CDH8: variants seen among roughly 807,000 people sequenced by gnomAD.
CDH8 encodes cadherin 8.
Under a neutral mutation model 68.1 loss-of-function variants are expected in CDH8, and 17 were observed. The observed-to-expected ratio is 0.25, with a 90% CI of 0.17 to 0.37. The LOEUF is 0.37. CDH8 is among the 10% of genes least tolerant of loss of function. CDH8 has a pLI of 1.00. For missense variants in CDH8, 763 were observed against 999.3 expected (o/e 0.76, Z 3.19); for synonymous variants, 372 against 365.1 (o/e 1.02, Z -0.21).
intron 7 of CDH8, among the ~76,000 whole-genome samples, chr16:61,791,372 G>C (rs1160637887): frequency 1.3e-5 from 2 of 151,964 alleles, no homozygotes; most frequent in African/African-American, 4.8e-5. Flanking sequence ...GGGGAATAAT[G>C]ATGGCTGATT....
At chr16:61,885,814 C>T (rs1963662537) in intron 3 of CDH8, among the ~76,000 whole-genome samples, 1 of 151,802 alleles carries the variant, frequency 6.6e-6, no homozygotes, top group Non-Finnish European at 1.5e-5. Context: ...AAGGATTTTG[C>T]CCTTTGTTTT....
intron 2 of CDH8, among the ~76,000 whole-genome samples, chr16:61,907,919 T>C (rs1457379656): frequency 6.6e-6 from 1 of 151,770 alleles, no homozygotes; most frequent in African/African-American, 2.4e-5. Flanking sequence ...GGCTGGTGCC[T>C]GTAGTCCCAG....
chr16:61,695,195 T>G (rs975460502), intron 10 of CDH8, among the ~76,000 whole-genome samples: 2 of 152,086 alleles, frequency 1.3e-5, no homozygotes, highest in African/African-American at 4.8e-5. Context: ...TGACTTTGAC[T>G]GAGATAGAAT....
chr16:61,885,570 C>T (rs1188900972), intron 3 of CDH8, among the ~76,000 whole-genome samples: 3 of 152,120 alleles, frequency 2.0e-5, no homozygotes, highest in South Asian at 2.1e-4. Context: ...GCTCTTAAGA[C>T]GGATACTGGT....
At position 61,894,929 on chromosome 16, in the gene CDH8, C is replaced by T. The variant is rs1963843744; in HGVS notation, c.547+6250G>A. Among the ~76,000 whole-genome samples, 3 of 152,032 alleles carry T rather than the reference C, an allele frequency of 2.0e-5. No homozygotes were observed. The South Asian group carries it at 6.2e-4, about 31-fold the overall frequency. ...ATATTTTTTGGTGGAGCATGCATTC[C>T]TCTTTTGCATTTGCTACCAAGAAAC... On this transcript the variant is annotated intron_variant, in intron 3 of 11. Coordinates refer to ENST00000577390, the MANE Select transcript of CDH8 (RefSeq NM_001796.5).
intron 4 of CDH8, among the ~76,000 whole-genome samples, chr16:61,848,780 G>T (rs2143011596): frequency 6.6e-6 from 1 of 152,050 alleles, no homozygotes; most frequent in East Asian, 1.9e-4. Flanking sequence ...TTTATTTTGG[G>T]CATTTCAGAC....
At chr16:61,688,156 G>A (rs1450102960) in intron 10 of CDH8, among the ~76,000 whole-genome samples, 1 of 152,086 alleles carries the variant, frequency 6.6e-6, no homozygotes. Flanking sequence ...AAACCCACAC[G>A]TTTGTGTTCT....
chr16:61,699,313 T>C lies in CDH8; in HGVS notation c.1654+14528A>G, dbSNP rs567722451. ...CAGGAGAATCTTTCACCACCATGCG[T>C]TGGATTTTAAATTCTTACTTTGCAA... is the stretch of plus-strand genomic sequence containing the variant. On this transcript the variant is annotated intron_variant, in intron 10 of 11. Coordinates refer to ENST00000577390, the MANE Select transcript of CDH8 (RefSeq NM_001796.5). Among the ~76,000 whole-genome samples, 6 of 152,290 alleles carry C rather than the reference T, an allele frequency of 3.9e-5. No homozygotes were observed. In the South Asian group the frequency reaches 1.2e-3, roughly 32 times the overall value.
chr16:61,933,857 CAT>C (rs1156435965), intron 2 of CDH8, among the ~76,000 whole-genome samples: 1 of 152,076 alleles, frequency 6.6e-6, no homozygotes, highest in African/African-American at 2.4e-5. Context: ...AAGAGAGATA[CAT>C]ATGTTAATTT....
chr16:62,007,255 G>T (rs1016036869), intron 2 of CDH8, among the ~76,000 whole-genome samples: 3 of 152,074 alleles, frequency 2.0e-5, no homozygotes, highest in East Asian at 1.9e-4. Flanking sequence ...CTGTCCAAGG[G>T]CTTACCCATA....
At chr16:61,961,421 G>C (rs548664380) in intron 2 of CDH8, among the ~76,000 whole-genome samples, 41 of 152,188 alleles carry the variant, frequency 2.7e-4, no homozygotes, top group African/African-American at 6.0e-4. Context: ...GTCCATGGCT[G>C]ATGAGTTCTA....
chr16:61,690,862 A>G (rs934783205), intron 10 of CDH8, among the ~76,000 whole-genome samples: 2 of 151,984 alleles, frequency 1.3e-5, no homozygotes, highest in Non-Finnish European at 2.9e-5. Flanking sequence ...ATTGCAGTCT[A>G]CAAAATCATT....
chr16:61,880,312 G>T (rs771879445), intron 3 of CDH8, among the ~76,000 whole-genome samples: 1 of 152,216 alleles, frequency 6.6e-6, no homozygotes, highest in African/African-American at 2.4e-5. Context: ...TCTAGGCAAC[G>T]TCAGTTGCAT....
At chr16:61,981,497 A>T in intron 2 of CDH8, among the ~76,000 whole-genome samples, 1 of 152,182 alleles carries the variant, frequency 6.6e-6, no homozygotes, top group Non-Finnish European at 1.5e-5. Context: ...ACAGGGAAAG[A>T]GTCTCTAGAG....
intron 2 of CDH8, among the ~76,000 whole-genome samples, chr16:62,001,426 G>C (rs1168557025): frequency 6.6e-6 from 1 of 152,132 alleles, no homozygotes; most frequent in Non-Finnish European, 1.5e-5. Flanking sequence ...AGTACAATAA[G>C]GGTGTGTATG....
At chr16:61,758,796 T>C (rs1191730075) in intron 8 of CDH8, among the ~76,000 whole-genome samples, 2 of 152,196 alleles carry the variant, frequency 1.3e-5, no homozygotes, top group East Asian at 1.9e-4. Flanking sequence ...AAATACATAA[T>C]GGGGCTATAT....
chr16:61,770,987 G>A (rs945331564), intron 8 of CDH8, among the ~76,000 whole-genome samples: 1 of 151,900 alleles, frequency 6.6e-6, no homozygotes, highest in Non-Finnish European at 1.5e-5. Context: ...GGACTGTACT[G>A]AGGACAAAAG....
At chr16:61,847,184 C>A (rs114965364) in intron 4 of CDH8, among the ~76,000 whole-genome samples, 177 of 152,068 alleles carry the variant, frequency 1.2e-3, no homozygotes, top group African/African-American at 3.4e-3. Context: ...TCATTCATGA[C>A]ATATTATTTG....
chr16:61,911,629 C>A (rs1030092689), intron 2 of CDH8, among the ~76,000 whole-genome samples: 1 of 147,320 alleles, frequency 6.8e-6, no homozygotes, highest in African/African-American at 2.5e-5. Context: ...CTAAACCCCC[C>A]CCCACCACCT....
Sources: allele counts gnomAD v4.1 joint callset (sites outside exome capture counted in the v4.1 genomes callset), GRCh38; gene constraint gnomAD v4.1.1; transcripts MANE v1.5; gene names NCBI Gene and HGNC (gene_info 2026-07-23, HGNC 2026-07-21).